Variants in ZNF521 observed in about 807,000 individuals in gnomAD.
The protein encoded by ZNF521 is zinc finger protein 521, also known as LYST-interacting protein 3.
Under a neutral mutation model 105.5 loss-of-function variants are expected in ZNF521, and 14 were observed. The ratio of observed to expected loss-of-function variants is 0.13; its 90% CI spans 0.09 to 0.21. ZNF521 has a LOEUF of 0.21. Ranked by LOEUF, ZNF521 falls within the 10% of genes least tolerant of loss-of-function variation. The probability of loss-of-function intolerance (pLI) is 1.00; values close to 1 mark genes in which losing one functional copy is unlikely to be tolerated. For missense variants in ZNF521, 1,233 were observed against 1,629.7 expected, an observed-to-expected ratio of 0.76 and a Z score of 4.19; for synonymous variants, 635 against 606.0, an observed-to-expected ratio of 1.05 and a Z score of -0.70.
chr18:25,145,436 C>T (rs138880294), intron 5 of ZNF521, among the ~76,000 whole-genome samples: 100 of 152,200 alleles, frequency 6.6e-4, no homozygotes, highest in African/African-American at 2.2e-3. Flanking sequence ...TCAACAGTGG[C>T]AAAACCTATG....
chr18:25,113,586 GA>G (rs1567967110), intron 5 of ZNF521, among the ~76,000 whole-genome samples: 8 of 152,074 alleles, frequency 5.3e-5, no homozygotes. Flanking sequence ...TAAATTTAGA[GA>G]GGGAGAAAAG....
At chr18:25,112,508 T>C (rs1035418372) in intron 5 of ZNF521, among the ~76,000 whole-genome samples, 13 of 152,176 alleles carry the variant, frequency 8.5e-5, no homozygotes, top group Non-Finnish European at 1.3e-4. Context: ...ATAAAATTTA[T>C]TGATGATAAA....
rs552632297 is a variant in ZNF521, at chr18:25,229,245, T to G, written c.221-1548A>C. Reference sequence around the variant, plus strand: ...ATCCACAGGAAACAGATGAGGATCATTCCTTTCCTGCATCTAGAAACTGAT... The same window carrying G: ...ATCCACAGGAAACAGATGAGGATCAGTCCTTTCCTGCATCTAGAAACTGAT... On this transcript the variant is annotated intron_variant, in intron 3 of 7. Transcript: ENST00000361524. 2.0e-5 allele frequency among the ~76,000 whole-genome samples: 3 copies of G among 152,322 alleles called. No individual in the cohort carries two copies. In the South Asian group the frequency reaches 6.2e-4, roughly 32 times the overall value.
chr18:25,333,312 C>G lies in ZNF521; in HGVS notation c.41-11125G>C, dbSNP rs994933158. On this transcript the variant is annotated intron_variant, in intron 2 of 7. Transcript: ENST00000361524. Reference sequence around the variant, plus strand: ...TAATAAGGACACACTCTCTCTCTCTCTCTATATATATATATATATATACAC... The same window carrying G: ...TAATAAGGACACACTCTCTCTCTCTGTCTATATATATATATATATATACAC... Among the ~76,000 whole-genome samples, 55 of 135,730 alleles carry G rather than the reference C, an allele frequency of 4.1e-4. 1 individual carries two copies. The highest frequency in any genetic ancestry group is 3.6e-3 in the Middle Eastern group (1 of 278). The allele number at this position is 135,730 out of a possible 152,430, so 89.0% of individuals were successfully genotyped here. A position where few individuals can be genotyped will look rare whatever the true frequency, so the allele number is the denominator to read the frequency against.
At chr18:25,317,941 C>T (rs1330041491) in intron 3 of ZNF521, among the ~76,000 whole-genome samples, 3 of 151,974 alleles carry the variant, frequency 2.0e-5, no homozygotes, top group Non-Finnish European at 2.9e-5. Flanking sequence ...TATCTCATGC[C>T]CTTCACCCAA....
chr18:25,298,724 G>A (rs1445319845), intron 3 of ZNF521, among the ~76,000 whole-genome samples: 1 of 152,004 alleles, frequency 6.6e-6, no homozygotes, highest in Admixed American at 6.6e-5. Flanking sequence ...ATGATGAAAG[G>A]CTAGTATTAG....
chr18:25,170,464 T>C (rs1205275639), intron 5 of ZNF521, among the ~76,000 whole-genome samples: 6 of 152,184 alleles, frequency 3.9e-5, no homozygotes, highest in Non-Finnish European at 8.8e-5. Context: ...AAGTTGTTTT[T>C]AATATAAATT....
chr18:25,231,129 G>C (rs1322598235), intron 3 of ZNF521, among the ~76,000 whole-genome samples: 4 of 152,162 alleles, frequency 2.6e-5, no homozygotes, highest in African/African-American at 9.7e-5. Flanking sequence ...AGCAGCCTCT[G>C]TGTTTCTGCC....
rs1486486546 is a variant in ZNF521 at position 25,225,997 on chromosome 18, C to T, written c.1921G>A (p.Ala641Thr). 6.2e-7 allele frequency: 1 copy of T among 1,614,152 alleles called. No individual in the cohort carries two copies. The highest frequency in any genetic ancestry group is 1.7e-5 in the Admixed American group (1 of 60,026). The part of the protein sequence containing the change: ...TGEYICNQCG[A>T]KYTSLDSFQT... ...AAGCTGTCTAGGGATGTGTACTTAGCACCACATTGATTACAGATATATTCT... is the reference window on the plus strand; with the variant it reads ...AAGCTGTCTAGGGATGTGTACTTAGTACCACATTGATTACAGATATATTCT... Residue 641 changes from alanine to threonine, a missense_variant, in exon 4 of 8, where the codon GCT (alanine) becomes ACT (threonine). Physicochemically the swap from Ala to Thr is moderately conservative, Grantham distance 58 (BLOSUM62 0). This residue lies in a region of ZNF521 where 614 missense variants were observed against 751.5 expected (regional missense o/e 0.82). Coordinates refer to ENST00000361524, the MANE Select transcript of ZNF521 (RefSeq NM_015461.3). The surrounding 1 kb of genome is among the most constrained non-coding windows in gnomAD (Gnocchi z 5.6).
chr18:25,343,410 G>A (rs927131127), intron 2 of ZNF521, among the ~76,000 whole-genome samples: 8 of 152,128 alleles, frequency 5.3e-5, no homozygotes, highest in African/African-American at 1.9e-4. Context: ...CCTACAGAAG[G>A]TTTAGAGTAT....
chr18:25,338,413 A>T (rs562419117), intron 2 of ZNF521, among the ~76,000 whole-genome samples: 1 of 149,392 alleles, frequency 6.7e-6, no homozygotes, highest in South Asian at 2.1e-4. Flanking sequence ...GTTTTTCTAC[A>T]TTTTTTTTTT....
At chr18:25,253,128 T>C (rs934038443) in intron 3 of ZNF521, among the ~76,000 whole-genome samples, 2 of 152,300 alleles carry the variant, frequency 1.3e-5, no homozygotes, top group Middle Eastern at 6.8e-3. Flanking sequence ...TATTTTATTA[T>C]TTACAGCAGT....
intron 5 of ZNF521, among the ~76,000 whole-genome samples, chr18:25,126,081 A>T (rs2144371396): frequency 6.6e-6 from 1 of 152,186 alleles, no homozygotes; most frequent in Non-Finnish European, 1.5e-5. Flanking sequence ...CTCCTCTAGG[A>T]CATCTCACAG....
chr18:25,226,039 G>C lies in ZNF521; in HGVS notation c.1879C>G (p.Pro627Ala). ...LKMMQAVGGA[P>A]ARPTGEYICN... ...ATATATTCTCCAGTGGGACGTGCAG[G>C]TGCACCTCCTACTGCCTGCATCATC... Residue 627 changes from proline to alanine, a missense_variant, in exon 4 of 8, where the codon CCT becomes GCT. Transcript: ENST00000361524. This position sits in a 1 kb window ranked among gnomAD's most constrained non-coding sequence, Gnocchi z 4.1. The C allele has an allele frequency of 6.2e-7, 1 of 1,614,182 alleles. No homozygotes were observed. Among genetic ancestry groups the C allele is most frequent in the Non-Finnish European group, 8.5e-7 (1 of 1,180,014 alleles).
At chr18:25,130,409 A>G (rs909828909) in intron 5 of ZNF521, among the ~76,000 whole-genome samples, 2 of 152,188 alleles carry the variant, frequency 1.3e-5, no homozygotes, top group East Asian at 3.9e-4. Context: ...GTAAGATACT[A>G]TAATTGTGGA....
intron 5 of ZNF521, among the ~76,000 whole-genome samples, chr18:25,092,488 G>A (rs2033767165): frequency 6.6e-6 from 1 of 152,168 alleles, no homozygotes; most frequent in African/African-American, 2.4e-5. Context: ...TCCTGGAAGT[G>A]TCTATTTCTA....
At chr18:25,111,964 C>G (rs2034199640) in intron 5 of ZNF521, among the ~76,000 whole-genome samples, 1 of 152,140 alleles carries the variant, frequency 6.6e-6, no homozygotes, top group Non-Finnish European at 1.5e-5. Context: ...CCGCAGATCA[C>G]TATGAGGAGA....
intron 2 of ZNF521, among the ~76,000 whole-genome samples, chr18:25,348,703 C>G (rs1914569311): frequency 6.6e-6 from 1 of 152,158 alleles, no homozygotes; most frequent in African/African-American, 2.4e-5. Flanking sequence ...GAAACAGATG[C>G]TGTCTTTGTG....
At position 25,224,727 on chromosome 18, in the gene ZNF521, A is replaced by G. The variant is rs1235513593; in HGVS notation, c.3191T>C (p.Leu1064Pro). ...TTTGAGGCAAGATGCGCACTTATAC[A>G]GTTTTTGGACGTGCTGGCCCCGCCC... ...TTGRGQHVQK[L>P]YKCASCLKEF... is the part of the protein sequence containing the mutation. Residue 1064 changes from leucine (L) to proline (P), a missense_variant, in exon 4 of 8, where the codon CTG becomes CCG. Leu to Pro is a moderately conservative substitution (Grantham distance 98). Transcript: ENST00000361524. 21 of 1,613,870 alleles carry G rather than the reference A, an allele frequency of 1.3e-5. No homozygotes were observed. Among genetic ancestry groups the G allele is most frequent in the Non-Finnish European group, 1.8e-5 (21 of 1,179,954 alleles).
Sources: gnomAD v4.1 joint callset for allele counts (sites outside exome capture counted in the v4.1 genomes callset) on GRCh38, gnomAD v4.1.1 for gene constraint, gnomAD v4.1.1 regional missense constraint, Gnocchi (gnomAD v3.1) non-coding constraint, MANE v1.5 for transcripts, NCBI Gene and HGNC (gene_info 2026-07-23, HGNC 2026-07-21) for gene names.